Variants in CDH11 observed in about 807,000 individuals in gnomAD.
CDH11 encodes the protein cadherin-11.
Under a neutral mutation model 67.8 loss-of-function variants are expected in CDH11, and 11 were observed. The ratio of observed to expected loss-of-function variants is 0.16; its 90% CI spans 0.10 to 0.27. CDH11 has a LOEUF of 0.27. Ranked by LOEUF, CDH11 falls within the 10% of genes least tolerant of loss-of-function variation. The pLI, the probability that CDH11 is intolerant of heterozygous loss-of-function variation, is 1.00. For missense variants in CDH11, 847 were observed against 1,031.2 expected, an observed-to-expected ratio of 0.82 and a Z score of 2.45; for synonymous variants, 419 against 400.0, an observed-to-expected ratio of 1.05 and a Z score of -0.57.
intron 6 of CDH11, among the ~76,000 whole-genome samples, chr16:64,990,057 A>T (rs1387539881): frequency 6.6e-6 from 1 of 151,418 alleles, no homozygotes. Flanking sequence ...GTGAAGGTTT[A>T]AAAAAAAATG....
intron 1 of CDH11, among the ~76,000 whole-genome samples, chr16:65,057,954 G>T (rs1030254958): frequency 1.1e-4 from 16 of 152,306 alleles, no homozygotes; most frequent in African/African-American, 3.9e-4. Context: ...CACTGGGAAG[G>T]CCAGCTGCAG....
At chr16:65,056,507 A>C (rs1170096212) in intron 1 of CDH11, among the ~76,000 whole-genome samples, 1 of 152,232 alleles carries the variant, frequency 6.6e-6, no homozygotes, top group African/African-American at 2.4e-5. Flanking sequence ...ATGTCATGTA[A>C]CTCAGCAATA....
At chr16:65,006,517 T>C (rs2073058041) in intron 2 of CDH11, among the ~76,000 whole-genome samples, 1 of 152,148 alleles carries the variant, frequency 6.6e-6, no homozygotes, top group Non-Finnish European at 1.5e-5. Flanking sequence ...AATCAATCAC[T>C]CTGAACCTCC....
chr16:65,102,763 A>G (rs1034711052), intron 1 of CDH11, among the ~76,000 whole-genome samples: 1 of 152,204 alleles, frequency 6.6e-6, no homozygotes, highest in African/African-American at 2.4e-5. Context: ...CCCTGGGTAC[A>G]GATAAGAAAT....
chr16:65,074,761 G>T (rs2074480259), intron 1 of CDH11, among the ~76,000 whole-genome samples: 1 of 151,880 alleles, frequency 6.6e-6, no homozygotes, highest in African/African-American at 2.4e-5. Context: ...GAAAGAAAAA[G>T]AAAGAGTTTG....
At chr16:65,060,127 T>A (rs1389642295) in intron 1 of CDH11, among the ~76,000 whole-genome samples, 1 of 152,088 alleles carries the variant, frequency 6.6e-6, no homozygotes, top group East Asian at 1.9e-4. Context: ...TTCTGCCTCA[T>A]GAAAGAGGAA....
chr16:65,084,452 C>T (rs2142810587), intron 1 of CDH11, among the ~76,000 whole-genome samples: 1 of 151,524 alleles, frequency 6.6e-6, no homozygotes, highest in Admixed American at 6.6e-5. Flanking sequence ...GAGCAAGATT[C>T]TGTCAAAAAG....
intron 6 of CDH11, among the ~76,000 whole-genome samples, chr16:64,990,555 A>G (rs773764742): frequency 6.6e-6 from 1 of 152,210 alleles, no homozygotes; most frequent in African/African-American, 2.4e-5. Flanking sequence ...ACATCTGTAC[A>G]TACATAGACA....
chr16:64,966,735 T>C (rs1597027051), intron 11 of CDH11, among the ~76,000 whole-genome samples: 1 of 152,056 alleles, frequency 6.6e-6, no homozygotes, highest in Non-Finnish European at 1.5e-5. Flanking sequence ...CTAAGGATAA[T>C]AGTAAATAGA....
intron 7 of CDH11, chr16:64,985,520 C>T (rs1023639686): frequency 6.6e-6 from 1 of 151,784 alleles, no homozygotes; most frequent in Non-Finnish European, 1.5e-5. Flanking sequence ...CTGTCCTTAA[C>T]TATCCAGCAA....
intron 1 of CDH11, among the ~76,000 whole-genome samples, chr16:65,054,993 A>C (rs1220852918): frequency 6.6e-6 from 1 of 152,246 alleles, no homozygotes; most frequent in East Asian, 1.9e-4. Context: ...AAATTTGTTC[A>C]TAGAGCCTGG....
intron 1 of CDH11, among the ~76,000 whole-genome samples, chr16:65,092,454 G>C (rs1413904459): frequency 6.6e-6 from 1 of 152,152 alleles, no homozygotes; most frequent in Non-Finnish European, 1.5e-5. Context: ...GGGCCAAACT[G>C]ATAGAAACCT....
intron 12 of CDH11, chr16:64,948,757 G>T: frequency 6.2e-7 from 1 of 1,601,850 alleles, no homozygotes; most frequent in South Asian, 1.1e-5. Context: ...GTCTTCCCTG[G>T]GAGAGGGGGG....
At chr16:64,973,623 T>A (rs2072074526) in intron 8 of CDH11, among the ~76,000 whole-genome samples, 2 of 152,036 alleles carry the variant, frequency 1.3e-5, no homozygotes, top group East Asian at 1.9e-4. Context: ...CTGACCAACA[T>A]GGTGAAATCG....
chr16:65,025,614 G>T (rs7500420), intron 2 of CDH11, among the ~76,000 whole-genome samples: 135,606 of 152,232 alleles, frequency 0.89, 60,515 homozygotes, highest in East Asian at 1. Flanking sequence ...GTGCTGGGAT[G>T]ATAGGCATGA....
At chr16:65,074,204 A>G (rs2142776678) in intron 1 of CDH11, among the ~76,000 whole-genome samples, 1 of 152,316 alleles carries the variant, frequency 6.6e-6, no homozygotes, top group African/African-American at 2.4e-5. Context: ...GGAATGCCAC[A>G]GAGAACAGAG....
At chr16:65,016,074 G>C (rs755184321) in intron 2 of CDH11, among the ~76,000 whole-genome samples, 1 of 152,080 alleles carries the variant, frequency 6.6e-6, no homozygotes, top group Non-Finnish European at 1.5e-5. Context: ...TGTTCTGAAG[G>C]ACTTCTTTCT....
chr16:64,950,691 T>C, intron 12 of CDH11, 76 bp downstream of exon 12: 1 of 1,538,988 alleles, frequency 6.5e-7, no homozygotes, highest in Non-Finnish European at 8.8e-7. Context: ...CCAGCCTGTA[T>C]TTGAGAAGCA....
At position 64,946,371 on chromosome 16, in the gene CDH11, A is replaced by G; in HGVS notation, c.*1232T>C. On this transcript the variant is annotated 3_prime_UTR_variant, in exon 13 of 13. Transcript: ENST00000268603. ...CCCCAGTGCTCAGTGTGGGGCATAG[A>G]ATGTATACCTGGAACATTAGAGTTC... The G allele has an allele frequency of 2.0e-6, 2 of 1,017,092 alleles. No individual in the cohort carries two copies. Among genetic ancestry groups the G allele is most frequent in the South Asian group, 9.4e-5 (2 of 21,214 alleles). 63.0% of individuals were successfully genotyped at this position (1,017,092 alleles called of 1,614,324 possible).
Sources: allele counts gnomAD v4.1 joint callset (sites outside exome capture counted in the v4.1 genomes callset), GRCh38; gene constraint gnomAD v4.1.1; transcripts MANE v1.5; gene names NCBI Gene and HGNC (gene_info 2026-07-23, HGNC 2026-07-21).